Variants in CACNA2D2 observed in about 807,000 individuals in gnomAD.
CACNA2D2 encodes the protein voltage-dependent calcium channel subunit alpha-2/delta-2.
Under a neutral mutation model 166.4 loss-of-function variants are expected in CACNA2D2, and 48 were observed. That is an observed-to-expected ratio of 0.29 (90% CI 0.23 to 0.37). The LOEUF (loss-of-function observed/expected upper bound fraction) is 0.37, where lower values mean the gene tolerates loss of function less well. Ranked by LOEUF, CACNA2D2 falls within the 10% of genes least tolerant of loss-of-function variation. The probability of loss-of-function intolerance (pLI) is 1.00; values close to 1 mark genes in which losing one functional copy is unlikely to be tolerated. For synonymous variants in CACNA2D2, 561 were observed against 573.7 expected (o/e 0.98, Z 0.32); for missense variants, 1,122 against 1,433.0 (o/e 0.78, Z 3.50).
chr3:50,494,404 G>A (rs79821347), intron 1 of CACNA2D2, among the ~76,000 whole-genome samples: 6,132 of 152,234 alleles, frequency 0.04, 169 homozygotes, highest in Non-Finnish European at 0.064. Flanking sequence ...GAAATGCCAC[G>A]TCAGGCTGGA....
In CACNA2D2 at chr3:50,400,140, ACTGT is replaced by A. The variant is rs1437436232; in HGVS notation, c.406-5976_406-5973del. Among the ~76,000 whole-genome samples the A allele has an allele frequency of 6.6e-5, 10 of 152,376 alleles. No homozygotes were observed. In the South Asian group the frequency reaches 2.1e-3, roughly 32 times the overall value. On this transcript the variant is annotated intron_variant, in intron 3 of 37. Coordinates refer to ENST00000424201, the MANE Select transcript of CACNA2D2 (RefSeq NM_006030.4). ...TGAGTAAATAATATACATATTTAAA[ACTGT>A]CTAAAAACATATCTGCATAATTAAA...
chr3:50,429,844 C>T (rs1313555758), intron 3 of CACNA2D2, among the ~76,000 whole-genome samples: 4 of 152,006 alleles, frequency 2.6e-5, no homozygotes, highest in Admixed American at 6.6e-5. Flanking sequence ...CCTGATGCCC[C>T]GCCCCTCCAC....
intron 3 of CACNA2D2, among the ~76,000 whole-genome samples, chr3:50,403,141 G>T (rs910190714): frequency 7.9e-5 from 12 of 152,192 alleles, no homozygotes; most frequent in Non-Finnish European, 1.3e-4. Context: ...TCTGTACCTT[G>T]ATCTCTCATC....
At chr3:50,418,446 C>A (rs970561150) in intron 3 of CACNA2D2, among the ~76,000 whole-genome samples, 4 of 152,182 alleles carry the variant, frequency 2.6e-5, no homozygotes, top group Non-Finnish European at 5.9e-5. Context: ...CGTGGCCTGC[C>A]CTTCCCTCTT....
In CACNA2D2 at chr3:50,427,329, C is replaced by T. The variant is rs1707849091; in HGVS notation, c.405+6984G>A. Among the ~76,000 whole-genome samples, 1 of 152,262 alleles carries T rather than the reference C, an allele frequency of 6.6e-6. No homozygotes were observed. The highest frequency in any genetic ancestry group is 6.5e-5 in the Admixed American group (1 of 15,294). On this transcript the variant is annotated intron_variant, in intron 3 of 37. Transcript: ENST00000424201. The surrounding 1 kb of genome is among the most constrained non-coding windows in gnomAD (Gnocchi z 4.7). ...TGGGTGTCCAACAGATTCCCAATCC[C>T]CAATGCTTCCCCCATCCCTGGGGAC... is the stretch of plus-strand genomic sequence containing the variant.
rs1381431723 is a variant in CACNA2D2, at chr3:50,367,817, G to A, written c.2229C>T (p.Leu743=). 2 of 1,611,164 alleles carry A rather than the reference G, an allele frequency of 1.2e-6. No individual in the cohort carries two copies. Among genetic ancestry groups the A allele is most frequent in the Non-Finnish European group, 1.7e-6 (2 of 1,178,402 alleles). The change falls in exon 25 of 38, where the codon CTC becomes CTT. Residue 743 remains leucine (L), a synonymous_variant. Coordinates refer to ENST00000424201, the MANE Select transcript of CACNA2D2 (RefSeq NM_006030.4). This position sits in a 1 kb window ranked among gnomAD's most constrained non-coding sequence, Gnocchi z 6.5. ...LVERVWRDQD[L]NTYSLLAVFA... is the part of the protein sequence containing the mutation. ...ACAGGCTGGGTGATGCCTACGTGTT[G>A]AGATCCTGGTCCCTCCACACACGCT...
Position 50,503,464 on chromosome 3 carries a change from T to TGGCGGCGGCGGCGGC in CACNA2D2, c.-56_-42dup, listed in dbSNP as rs530076217. 1 of 74,136 alleles carries TGGCGGCGGCGGCGGC rather than the reference T, an allele frequency of 1.3e-5. No homozygotes were observed. The highest frequency in any genetic ancestry group is 5.7e-5 in the African/African-American group (1 of 17,568). The allele number at this position is 74,136 out of a possible 1,614,324, so 4.6% of individuals were successfully genotyped here. On this transcript the variant is annotated 5_prime_UTR_variant, in exon 1 of 38. Transcript: ENST00000424201. ...GCGGCGCCGCGGGGAGGGGGGGCAG[T>TGGCGGCGGCGGCGGC]GGCGGCGGCGGCGGCGGCGGCGGGG...
At chr3:50,475,995 C>T (rs1171640486) in intron 2 of CACNA2D2, 123 bp downstream of exon 2, 2 of 798,322 alleles carry the variant, frequency 2.5e-6, no homozygotes, top group East Asian at 2.7e-5. Flanking sequence ...CCCACGGGCC[C>T]ATCAGGTCCC....
At chr3:50,416,482 C>T (rs908097125) in intron 3 of CACNA2D2, among the ~76,000 whole-genome samples, 1 of 152,206 alleles carries the variant, frequency 6.6e-6, no homozygotes, top group Non-Finnish European at 1.5e-5. Context: ...CAGAGCTCCA[C>T]GGCGGGGTGA....
intron 2 of CACNA2D2, among the ~76,000 whole-genome samples, chr3:50,461,925 G>C (rs1304598175): frequency 6.6e-6 from 1 of 152,192 alleles, no homozygotes; most frequent in Non-Finnish European, 1.5e-5. Flanking sequence ...CCGCAGGCTG[G>C]GAGAGCAGCC....
chr3:50,457,195 A>G (rs1185662894), intron 2 of CACNA2D2, among the ~76,000 whole-genome samples: 1 of 152,222 alleles, frequency 6.6e-6, no homozygotes, highest in Non-Finnish European at 1.5e-5. Context: ...GGTTGCAGTG[A>G]GCCGAAATTG....
intron 22 of CACNA2D2, among the ~76,000 whole-genome samples, chr3:50,373,267 G>A (rs587611849): frequency 2.0e-5 from 3 of 151,550 alleles, no homozygotes; most frequent in East Asian, 2.0e-4. Context: ...AACGACATGA[G>A]AGAGAAAGAG....
chr3:50,380,005 C>T lies in CACNA2D2; in HGVS notation c.856G>A (p.Ala286Thr). The T allele has an allele frequency of 1.2e-6, 2 of 1,614,072 alleles. No individual in the cohort carries two copies. The highest frequency in any genetic ancestry group is 1.7e-6 in the Non-Finnish European group (2 of 1,180,030). Residue 286 changes from alanine (A) to threonine (T), a missense_variant, in exon 9 of 38, where the codon GCC becomes ACC. Physicochemically the swap from Ala to Thr is moderately conservative, Grantham distance 58 (BLOSUM62 0). Coordinates refer to ENST00000424201, the MANE Select transcript of CACNA2D2 (RefSeq NM_006030.4). The surrounding 1 kb of genome is among the most constrained non-coding windows in gnomAD (Gnocchi z 4.9). Reference sequence around the variant, plus strand: ...ATGACCATGTCTTTGGGTGACGAGGCCCCCTGGATATACCTGCCCAGGAGA... The same window carrying T: ...ATGACCATGTCTTTGGGTGACGAGGTCCCCTGGATATACCTGCCCAGGAGA... ...VRRRPWYIQG[A>T]SSPKDMVIIV...
At chr3:50,397,226 G>A (rs936834249) in intron 3 of CACNA2D2, among the ~76,000 whole-genome samples, 1 of 152,226 alleles carries the variant, frequency 6.6e-6, no homozygotes, top group Non-Finnish European at 1.5e-5. Flanking sequence ...TAACGGAGTC[G>A]TAATAGCCAC....
intron 1 of CACNA2D2, among the ~76,000 whole-genome samples, chr3:50,502,212 C>T (rs1026395591): frequency 2.6e-5 from 4 of 152,130 alleles, no homozygotes; most frequent in African/African-American, 7.2e-5. Context: ...CGACTCATGC[C>T]CCAGTCTCCA....
chr3:50,497,279 A>G lies in CACNA2D2; in HGVS notation c.206+5939T>C, dbSNP rs75650391. ...CCTGGAAGAAAGGAAACTGAGGCCC[A>G]GGGGGAGGAGGGGTTTTGTCCAAGG... is the stretch of plus-strand genomic sequence containing the variant. On this transcript the variant is annotated intron_variant, in intron 1 of 37. Transcript: ENST00000424201. Among the ~76,000 whole-genome samples the G allele has an allele frequency of 8.0e-3, 1,219 of 152,306 alleles. 23 individuals are homozygous for G. Among genetic ancestry groups the G allele is most frequent in the African/African-American group, 0.027 (1,131 of 41,568 alleles).
intron 3 of CACNA2D2, among the ~76,000 whole-genome samples, chr3:50,432,591 G>A (rs922646495): frequency 3.9e-5 from 6 of 152,214 alleles, no homozygotes; most frequent in Non-Finnish European, 8.8e-5. Context: ...GGTGGGGCGC[G>A]ATGCACTGGC....
intron 3 of CACNA2D2, among the ~76,000 whole-genome samples, chr3:50,411,962 C>T (rs977303903): frequency 9.2e-5 from 14 of 152,204 alleles, no homozygotes; most frequent in African/African-American, 3.1e-4. Flanking sequence ...CTGGAAATCC[C>T]CCCACAACCC....
intron 2 of CACNA2D2, among the ~76,000 whole-genome samples, chr3:50,474,581 A>G (rs1390674000): frequency 1.3e-5 from 2 of 152,208 alleles, no homozygotes; most frequent in Admixed American, 1.3e-4. Context: ...CGTGAATATA[A>G]AATAAACAAC....
Sources: allele counts gnomAD v4.1 joint callset (sites outside exome capture counted in the v4.1 genomes callset), GRCh38; gene constraint gnomAD v4.1.1; non-coding constraint Gnocchi (gnomAD v3.1); transcripts MANE v1.5; gene names NCBI Gene and HGNC (gene_info 2026-07-23, HGNC 2026-07-21).